The following DDAH1 variants were observed in gnomAD, a reference collection of about 807,000 sequenced individuals.
DDAH1 encodes dimethylarginine dimethylaminohydrolase 1, also known as N(G),N(G)-dimethylarginine dimethylaminohydrolase 1.
In DDAH1, 19 loss-of-function variants were observed where a neutral mutation model predicts 28.8. The ratio of observed to expected loss-of-function variants is 0.66; its 90% CI spans 0.46 to 0.97. The LOEUF (loss-of-function observed/expected upper bound fraction) is 0.97, where lower values mean the gene tolerates loss of function less well. Among genes scored for constraint, DDAH1 ranks in the 50% least tolerant of loss-of-function variants. DDAH1 has a pLI of 0.00. For missense variants in DDAH1, 326 were observed against 375.9 expected, an observed-to-expected ratio of 0.87 and a Z score of 1.10; for synonymous variants, 153 against 154.4, an observed-to-expected ratio of 0.99 and a Z score of 0.07.
At chr1:85,331,441 CAT>C (rs1557469841) in intron 4 of DDAH1, among the ~76,000 whole-genome samples, 2 of 112,568 alleles carry the variant, frequency 1.8e-5, no homozygotes, top group African/African-American at 6.2e-5. Flanking sequence ...ATATATATAA[CAT>C]AATGTACCCA....
chr1:85,521,685 C>T (rs1157925439), intron 1 of DDAH1: 3 of 983,572 alleles, frequency 3.1e-6, no homozygotes, highest in African/African-American at 1.8e-5. Flanking sequence ...ATTCCTTCTC[C>T]TCCAGCAGGT....
rs1655299256 is a variant in DDAH1, at chr1:85,464,984, A to G, written c.62T>C (p.Leu21Pro). Reference protein sequence around the residue: ...GRATHAVVRALPESLGQHALR... With the variant: ...GRATHAVVRAPPESLGQHALR... ...CGCGTGCTGGCCGAGCGACTCGGGTAGCGCCCGCACCACGGCGTGGGTGGC... is the reference window on the plus strand; with the variant it reads ...CGCGTGCTGGCCGAGCGACTCGGGTGGCGCCCGCACCACGGCGTGGGTGGC... The change falls in exon 1 of 6, where the codon CTA becomes CCA. Residue 21 changes from leucine (L) to proline (P), a missense_variant. Physicochemically the swap from Leu to Pro is moderately conservative, Grantham distance 98 (BLOSUM62 -3). Coordinates refer to ENST00000284031, the MANE Select transcript of DDAH1 (RefSeq NM_012137.4). This position sits in a 1 kb window ranked among gnomAD's most constrained non-coding sequence, Gnocchi z 4.4. The G allele has an allele frequency of 1.4e-6, 2 of 1,440,378 alleles. No homozygotes were observed. Among genetic ancestry groups the G allele is most frequent in the East Asian group, 3.0e-5 (1 of 33,306 alleles). 89.2% of individuals were successfully genotyped at this position (1,440,378 alleles called of 1,614,324 possible). A position where few individuals can be genotyped will look rare whatever the true frequency, so the allele number is the denominator to read the frequency against.
intron 1 of DDAH1, among the ~76,000 whole-genome samples, chr1:85,401,493 TTTTC>T (rs988092096): frequency 6.9e-5 from 9 of 129,768 alleles, no homozygotes; most frequent in African/African-American, 2.3e-4. Flanking sequence ...CTTTTTTCTT[TTTTC>T]TTTCTTTTTT....
intron 1 of DDAH1, among the ~76,000 whole-genome samples, chr1:85,359,136 A>G (rs1338485138): frequency 6.6e-6 from 1 of 152,192 alleles, no homozygotes; most frequent in Non-Finnish European, 1.5e-5. Context: ...ATACTGTTGG[A>G]GGCCGACTAG....
chr1:85,441,565 G>A (rs565482510), intron 1 of DDAH1, among the ~76,000 whole-genome samples: 1 of 151,876 alleles, frequency 6.6e-6, no homozygotes, highest in African/African-American at 2.4e-5. Flanking sequence ...TGCTTGTTCA[G>A]GGATAGAAAG....
chr1:85,349,935 C>T lies in DDAH1; in HGVS notation c.597+480G>A, dbSNP rs113481542. On this transcript the variant is annotated intron_variant, in intron 4 of 5. Transcript: ENST00000284031. ...TTTCCGGTCTTAAAATGTTATTATTCCAAATGCAAATGAAGAAGTTAAGCT... is the reference window on the plus strand; with the variant it reads ...TTTCCGGTCTTAAAATGTTATTATTTCAAATGCAAATGAAGAAGTTAAGCT... 8.2e-4 allele frequency among the ~76,000 whole-genome samples: 125 copies of T among 152,250 alleles called. 1 individual carries two copies. In the Middle Eastern group the frequency reaches 0.01, roughly 12 times the overall value.
intron 2 of DDAH1, among the ~76,000 whole-genome samples, chr1:85,480,779 A>C (rs55695939): frequency 0.023 from 3,436 of 152,026 alleles, 67 homozygotes; most frequent in Middle Eastern, 0.071. Context: ...TTAATAATTA[A>C]ATTAAAATTT....
At chr1:85,540,026 T>C (rs1658424176) in intron 1 of DDAH1, among the ~76,000 whole-genome samples, 1 of 152,148 alleles carries the variant, frequency 6.6e-6, no homozygotes, top group South Asian at 2.1e-4. Flanking sequence ...AAAATATTTC[T>C]ATCAATTATG....
At chr1:85,381,888 A>G (rs1651014276) in intron 1 of DDAH1, among the ~76,000 whole-genome samples, 1 of 152,128 alleles carries the variant, frequency 6.6e-6, no homozygotes, top group Non-Finnish European at 1.5e-5. Flanking sequence ...CTTAATCAAT[A>G]AATGTGTGTG....
chr1:85,380,517 G>A (rs1186965179), intron 1 of DDAH1: 2 of 152,178 alleles, frequency 1.3e-5, no homozygotes, highest in Admixed American at 1.3e-4. Context: ...CTGGTTACAT[G>A]ATCCATGCTG....
At chr1:85,477,746 C>T (rs1655852967) in intron 2 of DDAH1, among the ~76,000 whole-genome samples, 1 of 151,734 alleles carries the variant, frequency 6.6e-6, no homozygotes, top group African/African-American at 2.4e-5. Context: ...AATTTGTGTT[C>T]ATACAGGTCA....
chr1:85,542,816 C>T (rs1050665654), intron 1 of DDAH1, among the ~76,000 whole-genome samples: 1 of 152,174 alleles, frequency 6.6e-6, no homozygotes, highest in Admixed American at 6.5e-5. Flanking sequence ...TTTTAAACCA[C>T]ATCAAGGAAA....
At chr1:85,453,122 A>G (rs577957170) in intron 1 of DDAH1, among the ~76,000 whole-genome samples, 2 of 152,340 alleles carry the variant, frequency 1.3e-5, no homozygotes, top group African/African-American at 2.4e-5. Context: ...TTGAGCCCTC[A>G]GCTGTATTGA....
At chr1:85,337,645 G>A (rs2100814307) in intron 4 of DDAH1, among the ~76,000 whole-genome samples, 1 of 152,024 alleles carries the variant, frequency 6.6e-6, no homozygotes, top group South Asian at 2.1e-4. Context: ...GTAAAGATGG[G>A]GTTTCACCAT....
At chr1:85,542,803 G>A (rs1320431129) in intron 1 of DDAH1, among the ~76,000 whole-genome samples, 1 of 152,118 alleles carries the variant, frequency 6.6e-6, no homozygotes, top group Non-Finnish European at 1.5e-5. Context: ...AAGAAACACA[G>A]GTTTTTAAAC....
chr1:85,399,983 T>C (rs2100573391), intron 1 of DDAH1: 1 of 152,252 alleles, frequency 6.6e-6, no homozygotes, highest in African/African-American at 2.4e-5. Context: ...TCTATTGTAA[T>C]TTTGTTCTTG....
chr1:85,338,646 T>G (rs929859046), intron 4 of DDAH1, among the ~76,000 whole-genome samples: 1 of 152,202 alleles, frequency 6.6e-6, no homozygotes, highest in Non-Finnish European at 1.5e-5. Context: ...TCAGAATTTC[T>G]AGCGGTGAAC....
chr1:85,548,688 T>C (rs1316655459), intron 1 of DDAH1, among the ~76,000 whole-genome samples: 3 of 152,200 alleles, frequency 2.0e-5, no homozygotes, highest in Non-Finnish European at 4.4e-5. Context: ...TATCATTCTA[T>C]AATTTAGATT....
intron 1 of DDAH1, among the ~76,000 whole-genome samples, chr1:85,560,883 T>C (rs901470378): frequency 1.3e-5 from 2 of 152,082 alleles, no homozygotes; most frequent in Admixed American, 6.5e-5. Flanking sequence ...TTCCTATTGA[T>C]TCTACATTTT....
Sources: allele counts gnomAD v4.1 joint callset (sites outside exome capture counted in the v4.1 genomes callset), GRCh38; gene constraint gnomAD v4.1.1; non-coding constraint Gnocchi (gnomAD v3.1); transcripts MANE v1.5; gene names NCBI Gene and HGNC (gene_info 2026-07-23, HGNC 2026-07-21).